The following RFX7 variants were observed in gnomAD, a reference collection of about 807,000 sequenced individuals.
RFX7 encodes the protein regulatory factor X7.
RFX7 carries 26 observed loss-of-function variants against 111.8 expected under a neutral mutation model. That is an observed-to-expected ratio of 0.23 (90% CI 0.17 to 0.32). RFX7 has a LOEUF of 0.32. RFX7 is among the 10% of genes least tolerant of loss of function. The pLI is 1.00. For missense variants in RFX7, 1,573 were observed against 1,772.9 expected, an observed-to-expected ratio of 0.89 and a Z score of 2.02; for synonymous variants, 624 against 624.4, an observed-to-expected ratio of 1.00 and a Z score of 0.01.
chr15:56,104,937 A>G (rs552855894), intron 5 of RFX7, among the ~76,000 whole-genome samples: 1 of 152,338 alleles, frequency 6.6e-6, no homozygotes, highest in South Asian at 2.1e-4. Flanking sequence ...ACTAAATTTG[A>G]TACTTTGAGG....
At chr15:56,114,159 C>G (rs1017551592) in intron 5 of RFX7, among the ~76,000 whole-genome samples, 2 of 151,964 alleles carry the variant, frequency 1.3e-5, no homozygotes, top group Non-Finnish European at 2.9e-5. Flanking sequence ...ATTCCTAGCG[C>G]TCTGGGAGGC....
intron 2 of RFX7, among the ~76,000 whole-genome samples, chr15:56,184,061 C>T (rs1281365897): frequency 2.0e-5 from 3 of 150,384 alleles, no homozygotes; most frequent in Non-Finnish European, 4.4e-5. Flanking sequence ...GCTTTTGTTG[C>T]CCAGGCTGGA....
At chr15:56,106,163 C>T (rs1226142986) in intron 5 of RFX7, among the ~76,000 whole-genome samples, 1 of 152,120 alleles carries the variant, frequency 6.6e-6, no homozygotes, top group Non-Finnish European at 1.5e-5. Context: ...AGTTTCTTGT[C>T]TTTCTTGGTA....
chr15:56,164,989 G>A (rs1277399913), intron 3 of RFX7, among the ~76,000 whole-genome samples: 1 of 152,160 alleles, frequency 6.6e-6, no homozygotes, highest in Non-Finnish European at 1.5e-5. Context: ...TTTTTCCATG[G>A]ATGGGGTGGG....
At chr15:56,099,327 C>T (rs1261330074) in intron 8 of RFX7, among the ~76,000 whole-genome samples, 1 of 152,118 alleles carries the variant, frequency 6.6e-6, no homozygotes, top group Non-Finnish European at 1.5e-5. Context: ...AGGAAATAGA[C>T]AATGAGGAAG....
In RFX7 at chr15:56,096,264, A is replaced by G; in HGVS notation, c.1464T>C (p.Pro488=). 1.2e-6 allele frequency: 2 copies of G among 1,613,908 alleles called. No individual in the cohort carries two copies. Among genetic ancestry groups the G allele is most frequent in the Middle Eastern group, 1.6e-4 (1 of 6,062 alleles). Residue 488 remains proline, a synonymous_variant, in exon 10 of 10, where the codon CCT becomes CCC. Transcript: ENST00000559447. The part of the protein sequence containing the change: ...ISLTPSNSNT[P]LKHSASVSSA... The stretch of plus-strand genomic sequence containing the variant: ...TGCTGACTGAGGCAGAATGTTTAAG[A>G]GGGGTGTTACTGTTGCTGGGTGTGA...
chr15:56,141,504 A>T (rs545637474), intron 5 of RFX7, among the ~76,000 whole-genome samples: 1 of 151,702 alleles, frequency 6.6e-6, no homozygotes, highest in Non-Finnish European at 1.5e-5. Context: ...GGCAGAATCT[A>T]TTCTCTTGAT....
At chr15:56,155,806 T>TA (rs2042644802) in intron 3 of RFX7, among the ~76,000 whole-genome samples, 1 of 152,048 alleles carries the variant, frequency 6.6e-6, no homozygotes. Flanking sequence ...CTCCCCATAA[T>TA]AAAAAAGGCT....
rs1183849162 is a variant in RFX7, at chr15:56,090,672, A to G, written c.*2673T>C. The G allele has an allele frequency of 6.6e-6, 1 of 152,592 alleles. No individual in the cohort carries two copies. Among genetic ancestry groups the G allele is most frequent in the Admixed American group, 6.5e-5 (1 of 15,268 alleles). The allele number at this position is 152,592 out of a possible 1,614,324, so 9.5% of individuals were successfully genotyped here. On this transcript the variant is annotated 3_prime_UTR_variant, in exon 10 of 10. Coordinates refer to ENST00000559447, the MANE Select transcript of RFX7 (RefSeq NM_022841.7). ...TTTCAGCAGGTACAACAGACAACAA[A>G]ACACTGGGGAAATCTGACTTTTTGC...
At chr15:56,196,850 T>C (rs1398641350) in intron 2 of RFX7, among the ~76,000 whole-genome samples, 1 of 152,196 alleles carries the variant, frequency 6.6e-6, no homozygotes, top group Non-Finnish European at 1.5e-5. Flanking sequence ...ACATACAACA[T>C]TGCAACAAAT....
chr15:56,095,387 C>G lies in RFX7; in HGVS notation c.2341G>C (p.Gly781Arg). ...SKSVGSFNPN[G>R]WQQITKDSEF... Reference sequence around the variant, plus strand: ...GAATCTTTAGTGATTTGTTGCCATCCATTTGGATTAAAGCTGCCAACTGAC... The same window carrying G: ...GAATCTTTAGTGATTTGTTGCCATCGATTTGGATTAAAGCTGCCAACTGAC... Residue 781 changes from glycine to arginine, a missense_variant, in exon 10 of 10, where the codon GGA becomes CGA. Physicochemically the swap from Gly to Arg is moderately radical, Grantham distance 125 (BLOSUM62 -2). Around this residue, in one of 7 missense-constraint regions of RFX7, gnomAD observed 625 missense variants for 632.2 expected, o/e 0.99. Coordinates refer to ENST00000559447, the MANE Select transcript of RFX7 (RefSeq NM_022841.7). 8.7e-6 allele frequency: 14 copies of G among 1,613,626 alleles called. No homozygotes were observed. Among genetic ancestry groups the G allele is most frequent in the Non-Finnish European group, 1.2e-5 (14 of 1,179,864 alleles).
intron 2 of RFX7, among the ~76,000 whole-genome samples, chr15:56,238,029 T>C (rs2043644514): frequency 1.3e-5 from 2 of 152,164 alleles, no homozygotes; most frequent in Admixed American, 6.5e-5. Context: ...TAAAGCAAAA[T>C]GAAAATCATA....
At chr15:56,196,227 CCTTTTTT>C (rs1323115112) in intron 2 of RFX7, among the ~76,000 whole-genome samples, 2 of 152,108 alleles carry the variant, frequency 1.3e-5, no homozygotes, top group East Asian at 3.9e-4. Flanking sequence ...TCAACTTTTT[CCTTTTTT>C]CTTTAAGGAA....
intron 2 of RFX7, among the ~76,000 whole-genome samples, chr15:56,235,475 G>T (rs911897627): frequency 1.3e-5 from 2 of 152,066 alleles, no homozygotes; most frequent in Non-Finnish European, 2.9e-5. Context: ...GACAATACAG[G>T]TGCTCAAAAC....
At chr15:56,134,724 T>G (rs1470633657) in intron 5 of RFX7, among the ~76,000 whole-genome samples, 1 of 151,298 alleles carries the variant, frequency 6.6e-6, no homozygotes, top group Non-Finnish European at 1.5e-5. Context: ...ACCCACTAAC[T>G]CGTCATCTAG....
At chr15:56,218,731 A>G (rs941507021) in intron 2 of RFX7, among the ~76,000 whole-genome samples, 1 of 152,192 alleles carries the variant, frequency 6.6e-6, no homozygotes. Context: ...CTCTCAAATA[A>G]TAATGGTATC....
intron 5 of RFX7, among the ~76,000 whole-genome samples, chr15:56,140,159 T>A (rs1254918279): frequency 6.6e-6 from 1 of 152,164 alleles, no homozygotes; most frequent in Non-Finnish European, 1.5e-5. Context: ...TGGAGCTTCC[T>A]GGCTGCTTTG....
At position 56,096,632 on chromosome 15, in the gene RFX7, T is replaced by C. The variant is rs375459545; in HGVS notation, c.1108-12A>G. The C allele has an allele frequency of 8.4e-6, 13 of 1,550,640 alleles. No homozygotes were observed. The highest frequency in any genetic ancestry group is 5.9e-5 in the Admixed American group (3 of 51,260). On this transcript the variant is annotated splice_polypyrimidine_tract_variant and intron_variant, in intron 9 of 9. Coordinates refer to ENST00000559447, the MANE Select transcript of RFX7 (RefSeq NM_022841.7). ...CTAGTCCGCTGGACCTGTTAAAAGA[T>C]AGCAAAAAATCAGATTTAACAGGTC... is the stretch of plus-strand genomic sequence containing the variant.
chr15:56,129,517 G>A (rs1006066468), intron 5 of RFX7, among the ~76,000 whole-genome samples: 1 of 151,972 alleles, frequency 6.6e-6, no homozygotes, highest in African/African-American at 2.4e-5. Context: ...CTTACAAATG[G>A]TATAGGAAAA....
Sources: allele counts gnomAD v4.1 joint callset (sites outside exome capture counted in the v4.1 genomes callset), GRCh38; gene constraint gnomAD v4.1.1; regional missense constraint gnomAD v4.1.1; transcripts MANE v1.5; gene names NCBI Gene and HGNC (gene_info 2026-07-23, HGNC 2026-07-21).